The following EBF1 variants were observed in gnomAD, a reference collection of about 807,000 sequenced individuals.
EBF1 encodes EBF transcription factor 1, also known as transcription factor COE1.
In EBF1, 10 loss-of-function variants were observed where a neutral mutation model predicts 68.4. The observed-to-expected ratio is 0.15, with a 90% CI of 0.09 to 0.25. EBF1 has a LOEUF of 0.25. Among genes scored for constraint, EBF1 ranks in the 10% least tolerant of loss-of-function variants. EBF1 has a pLI of 1.00. For synonymous variants in EBF1, 298 were observed against 299.8 expected (o/e 0.99, Z 0.06); for missense variants, 509 against 794.4 (o/e 0.64, Z 4.32).
chr5:158,996,386 C>T (rs751819774), intron 6 of EBF1, among the ~76,000 whole-genome samples: 7 of 152,194 alleles, frequency 4.6e-5, no homozygotes, highest in Non-Finnish European at 7.3e-5. Flanking sequence ...CTAACTCTCA[C>T]TTTATAAGTT....
chr5:159,013,363 T>G (rs1028033146), intron 6 of EBF1, among the ~76,000 whole-genome samples: 1 of 152,112 alleles, frequency 6.6e-6, no homozygotes, highest in African/African-American at 2.4e-5. Flanking sequence ...CTAAGAGGAC[T>G]CTAGGCATGT....
At chr5:158,925,796 G>A (rs138036188) in intron 6 of EBF1, among the ~76,000 whole-genome samples, 1 of 152,316 alleles carries the variant, frequency 6.6e-6, no homozygotes, top group East Asian at 1.9e-4. Context: ...GTGGAGATGA[G>A]TGGGAATTAA....
chr5:158,724,727 G>A (rs982743455), intron 11 of EBF1, among the ~76,000 whole-genome samples: 3 of 152,190 alleles, frequency 2.0e-5, no homozygotes, highest in African/African-American at 7.2e-5. Context: ...TACAGTTGAA[G>A]TGAATAATAT....
intron 6 of EBF1, among the ~76,000 whole-genome samples, chr5:158,928,196 C>T (rs1169200512): frequency 5.3e-5 from 8 of 152,164 alleles, no homozygotes; most frequent in East Asian, 1.9e-4. Flanking sequence ...TCATTTTTCT[C>T]ATCTGTGAAA....
intron 6 of EBF1, among the ~76,000 whole-genome samples, chr5:158,951,556 T>C (rs1815994532): frequency 6.6e-6 from 1 of 152,194 alleles, no homozygotes; most frequent in African/African-American, 2.4e-5. Context: ...TTCCCGCCAA[T>C]GTGCATTCAT....
intron 6 of EBF1, chr5:158,984,640 G>T (rs1338412828): frequency 6.6e-6 from 1 of 151,008 alleles, no homozygotes; most frequent in African/African-American, 2.4e-5. Flanking sequence ...TCATTGGCAG[G>T]CAACAGCGTC....
chr5:159,091,914 T>C (rs1278510726), intron 4 of EBF1, among the ~76,000 whole-genome samples: 1 of 152,332 alleles, frequency 6.6e-6, no homozygotes, highest in Middle Eastern at 3.4e-3. Context: ...AGCAGGCTTT[T>C]GTTTAGGGGA....
chr5:159,010,626 A>G (rs1311443693), intron 6 of EBF1, among the ~76,000 whole-genome samples: 3 of 152,218 alleles, frequency 2.0e-5, no homozygotes, highest in Non-Finnish European at 2.9e-5. Context: ...TTGTCTCCAC[A>G]ACTCTTTTAG....
At chr5:158,990,684 C>T (rs1760131960) in intron 6 of EBF1, among the ~76,000 whole-genome samples, 2 of 152,174 alleles carry the variant, frequency 1.3e-5, no homozygotes, top group Admixed American at 1.3e-4. Flanking sequence ...TCTCCCTGTG[C>T]CTTGTTGTCC....
chr5:158,879,442 AAAAG>A (rs1172515715), intron 6 of EBF1, among the ~76,000 whole-genome samples: 1 of 152,224 alleles, frequency 6.6e-6, no homozygotes, highest in Non-Finnish European at 1.5e-5. Context: ...TGAATGTGAG[AAAAG>A]AAAGGCACAG....
chr5:158,840,638 ACCT>A (rs1365420541), intron 6 of EBF1, among the ~76,000 whole-genome samples: 1 of 122,140 alleles, frequency 8.2e-6, no homozygotes, highest in African/African-American at 3.0e-5. Flanking sequence ...CTTCTCAAAT[ACCT>A]CCTGTTTTTT....
chr5:159,068,371 GTGGATGGATGGA>G (rs71851703), intron 6 of EBF1, among the ~76,000 whole-genome samples: 4 of 149,788 alleles, frequency 2.7e-5, no homozygotes, highest in South Asian at 2.1e-4. Flanking sequence ...ATGTGGGTGG[GTGGATGGATGGA>G]TGGATGGATG....
At chr5:158,836,163 C>T (rs969721180) in intron 7 of EBF1, among the ~76,000 whole-genome samples, 5 of 152,134 alleles carry the variant, frequency 3.3e-5, no homozygotes, top group Non-Finnish European at 2.9e-5. Flanking sequence ...CAGTTTGGGG[C>T]TGACTGAGTT....
intron 6 of EBF1, among the ~76,000 whole-genome samples, chr5:158,969,830 A>G (rs539233300): frequency 1.2e-4 from 17 of 141,444 alleles, no homozygotes; most frequent in African/African-American, 3.1e-4. Context: ...AGAAAGACAG[A>G]AAAGAAAGAA....
At chr5:158,755,770 C>T (rs1448801534) in intron 10 of EBF1, among the ~76,000 whole-genome samples, 1 of 151,954 alleles carries the variant, frequency 6.6e-6, no homozygotes, top group Non-Finnish European at 1.5e-5. Flanking sequence ...AAAATGGTTG[C>T]CATGATAGGA....
In EBF1 at chr5:159,054,590, A is replaced by G. The variant is rs189590885; in HGVS notation, c.554+18806T>C. On this transcript the variant is annotated intron_variant, in intron 6 of 15. Transcript: ENST00000313708. ...CACAAGCAAAGGATATTAGCAGAGC[A>G]TATAATTTCATAGCTTCATTCCAAA... Among the ~76,000 whole-genome samples the G allele has an allele frequency of 3.3e-5, 5 of 152,372 alleles. No homozygotes were observed. The East Asian group carries it at 7.7e-4, about 23-fold the overall frequency.
rs1770061766 is a variant in EBF1, at chr5:159,036,340, T to A, written c.554+37056A>T. ...ATATGGAACCAAAAAAGAGCCCACATCGCCAAGTCAATCCTAAGCCAAAAG... is the reference window on the plus strand; with the variant it reads ...ATATGGAACCAAAAAAGAGCCCACAACGCCAAGTCAATCCTAAGCCAAAAG... On this transcript the variant is annotated intron_variant, in intron 6 of 15. Transcript: ENST00000313708. Among the ~76,000 whole-genome samples the A allele has an allele frequency of 2.0e-5, 3 of 151,710 alleles. No homozygotes were observed. The South Asian group carries it at 6.2e-4, about 32-fold the overall frequency.
At chr5:158,710,862 C>T (rs898219948) in intron 14 of EBF1, among the ~76,000 whole-genome samples, 1 of 152,186 alleles carries the variant, frequency 6.6e-6, no homozygotes, top group Non-Finnish European at 1.5e-5. Flanking sequence ...TATCCTTCCA[C>T]AAATATCTAA....
chr5:158,863,345 G>A (rs1357043785), intron 6 of EBF1, among the ~76,000 whole-genome samples: 2 of 152,064 alleles, frequency 1.3e-5, no homozygotes, highest in Admixed American at 6.5e-5. Context: ...GTTTTCCAAC[G>A]GCACACTCCT....
Sources: allele counts gnomAD v4.1 joint callset (sites outside exome capture counted in the v4.1 genomes callset), GRCh38; gene constraint gnomAD v4.1.1; transcripts MANE v1.5; gene names NCBI Gene and HGNC (gene_info 2026-07-23, HGNC 2026-07-21).